MAGI2: variants seen among roughly 807,000 people sequenced by gnomAD.
The protein encoded by MAGI2 is membrane associated guanylate kinase, WW and PDZ domain containing 2.
A neutral mutation model predicts 133.3 loss-of-function variants in MAGI2; 35 were observed. The ratio of observed to expected loss-of-function variants is 0.26; its 90% CI spans 0.20 to 0.35. The LOEUF (loss-of-function observed/expected upper bound fraction) is 0.35. MAGI2 is among the 10% of genes least tolerant of loss of function. The pLI is 1.00. For synonymous variants in MAGI2, 729 were observed against 710.6 expected (o/e 1.03, Z -0.41); for missense variants, 1,636 against 1,863.4 (o/e 0.88, Z 2.25).
chr7:78,301,222 A>C (rs1053869322), intron 9 of MAGI2, among the ~76,000 whole-genome samples: 5 of 152,204 alleles, frequency 3.3e-5, no homozygotes, highest in Non-Finnish European at 5.9e-5. Flanking sequence ...CAGACATAAA[A>C]GCACTACATG....
chr7:78,144,656 G>A (rs996222922), intron 16 of MAGI2, among the ~76,000 whole-genome samples: 32 of 152,138 alleles, frequency 2.1e-4, no homozygotes, highest in Admixed American at 1.6e-3. Context: ...CCTCCCAGAC[G>A]TAGGTAGTTT....
intron 6 of MAGI2, among the ~76,000 whole-genome samples, chr7:78,458,996 AT>A (rs1398525408): frequency 6.6e-6 from 1 of 152,262 alleles, no homozygotes; most frequent in Non-Finnish European, 1.5e-5. Flanking sequence ...AACCAAAGTT[AT>A]GATTGTCTTT....
chr7:79,138,058 G>C (rs1455301951), intron 1 of MAGI2, among the ~76,000 whole-genome samples: 1 of 152,154 alleles, frequency 6.6e-6, no homozygotes, highest in Non-Finnish European at 1.5e-5. Flanking sequence ...CTGGAAGCTA[G>C]AAAAGGCAAG....
rs183214488 is a variant in MAGI2 at position 78,487,565 on chromosome 7, C to T, written c.1045+2196G>A. Among the ~76,000 whole-genome samples, 316 of 152,162 alleles carry T rather than the reference C, an allele frequency of 2.1e-3. 1 individual carries two copies. Among genetic ancestry groups the T allele is most frequent in the Non-Finnish European group, 3.2e-3 (220 of 67,972 alleles). On this transcript the variant is annotated intron_variant, in intron 6 of 21. Transcript: ENST00000354212. The stretch of plus-strand genomic sequence containing the variant: ...AAACGTTTTCTAAAATCTTTATCAC[C>T]TGGCCCTTTACAGAAAATGTTTGCC...
At chr7:79,337,181 C>A (rs575591218) in intron 1 of MAGI2, among the ~76,000 whole-genome samples, 1 of 152,224 alleles carries the variant, frequency 6.6e-6, no homozygotes, top group South Asian at 2.1e-4. Context: ...GTATTTAAGA[C>A]CCTTAGTAAA....
At chr7:78,557,111 A>G (rs1429002838) in intron 3 of MAGI2, among the ~76,000 whole-genome samples, 1 of 150,914 alleles carries the variant, frequency 6.6e-6, no homozygotes, top group African/African-American at 2.4e-5. Flanking sequence ...GAAAAAGAAA[A>G]AAAAAGAATT....
chr7:78,639,014 C>G (rs1007646393), intron 2 of MAGI2, among the ~76,000 whole-genome samples: 1 of 152,072 alleles, frequency 6.6e-6, no homozygotes, highest in Non-Finnish European at 1.5e-5. Context: ...TTAATCTGGG[C>G]CAGAACTAGA....
rs778530001 is a variant in MAGI2 at position 78,168,070 on chromosome 7, G to A, written c.2442C>T (p.Asp814=). The change falls in exon 15 of 22, where the codon GAC becomes GAT. Residue 814 remains aspartate, a synonymous_variant. Coordinates refer to ENST00000354212, the MANE Select transcript of MAGI2 (RefSeq NM_012301.4). ...CTCCTGGGTGAAGGCGGCCATCTCT[G>A]TCGGCTGAGCCCATGGCAATGACAG... ...IGAVIAMGSA[D]RDGRLHPGDE... is the part of the protein sequence containing the mutation. 3 of 1,613,914 alleles carry A rather than the reference G, an allele frequency of 1.9e-6. No individual in the cohort carries two copies. The highest frequency in any genetic ancestry group is 3.3e-5 in the Admixed American group (2 of 59,994).
chr7:79,417,971 A>G (rs983966374), intron 1 of MAGI2, among the ~76,000 whole-genome samples: 1 of 152,134 alleles, frequency 6.6e-6, no homozygotes, highest in African/African-American at 2.4e-5. Flanking sequence ...CAATCTGAGG[A>G]TATTCCAATC....
intron 6 of MAGI2, among the ~76,000 whole-genome samples, chr7:78,460,911 T>C (rs548109942): frequency 6.6e-6 from 1 of 151,718 alleles, no homozygotes; most frequent in Non-Finnish European, 1.5e-5. Flanking sequence ...CAGGGTGCCA[T>C]CACTATTGGA....
At chr7:79,229,809 T>C (rs1053482770) in intron 1 of MAGI2, among the ~76,000 whole-genome samples, 14 of 152,062 alleles carry the variant, frequency 9.2e-5, no homozygotes, top group African/African-American at 3.1e-4. Flanking sequence ...TTTTTATTAT[T>C]ATACTTTAGG....
chr7:78,046,926 T>A (rs1311575087), intron 21 of MAGI2, among the ~76,000 whole-genome samples: 1 of 152,210 alleles, frequency 6.6e-6, no homozygotes, highest in African/African-American at 2.4e-5. Flanking sequence ...AATTTAAAAG[T>A]CATATATTAC....
intron 2 of MAGI2, among the ~76,000 whole-genome samples, chr7:78,671,425 AAGCAGAGAT>A (rs1325442271): frequency 6.6e-6 from 1 of 152,158 alleles, no homozygotes; most frequent in African/African-American, 2.4e-5. Context: ...TGGTAGAGGA[AAGCAGAGAT>A]AGCATGTGTG....
chr7:78,742,394 G>A (rs1451025287), intron 2 of MAGI2, among the ~76,000 whole-genome samples: 1 of 152,090 alleles, frequency 6.6e-6, no homozygotes, highest in African/African-American at 2.4e-5. Context: ...AAGGGTCAAT[G>A]GCTAAGCATG....
chr7:78,485,162 A>G (rs540292311), intron 6 of MAGI2: 29 of 152,100 alleles, frequency 1.9e-4, no homozygotes, highest in South Asian at 4.1e-4. Context: ...GGCTTTATAC[A>G]CACTTTAACC....
chr7:78,256,391 T>G lies in MAGI2; in HGVS notation c.1599A>C (p.Pro533=). 6.2e-7 allele frequency: 1 copy of G among 1,613,838 alleles called. No individual in the cohort carries two copies. Among genetic ancestry groups the G allele is most frequent in the Non-Finnish European group, 8.5e-7 (1 of 1,179,922 alleles). The stretch of plus-strand genomic sequence containing the variant: ...GTCTTCCATTGACCATCACTGGAGG[T>G]GGCCTCTCCATTATTGCAAGGGGTG... ...MVPPLAIMER[P]PPVMVNGRHN... is the part of the protein sequence containing the mutation. Residue 533 remains proline (P), a synonymous_variant, in exon 10 of 22, where the codon CCA becomes CCC. Coordinates refer to ENST00000354212, the MANE Select transcript of MAGI2 (RefSeq NM_012301.4).
chr7:78,210,019 C>T (rs1316670070), intron 10 of MAGI2, among the ~76,000 whole-genome samples: 2 of 152,092 alleles, frequency 1.3e-5, no homozygotes, highest in African/African-American at 4.8e-5. Context: ...ATGTCTCTGA[C>T]CTTTCATTGT....
intron 2 of MAGI2, among the ~76,000 whole-genome samples, chr7:78,848,458 C>T (rs1272824974): frequency 6.6e-6 from 1 of 152,004 alleles, no homozygotes; most frequent in Non-Finnish European, 1.5e-5. Context: ...CCTTTCTCCA[C>T]ATAACAAACA....
At chr7:78,022,289 A>T (rs752574832) in intron 21 of MAGI2, among the ~76,000 whole-genome samples, 2 of 152,242 alleles carry the variant, frequency 1.3e-5, no homozygotes, top group Non-Finnish European at 2.9e-5. Flanking sequence ...AGCTTGTGCA[A>T]CAGTGATCTC....
Sources: allele counts gnomAD v4.1 joint callset (sites outside exome capture counted in the v4.1 genomes callset), GRCh38; gene constraint gnomAD v4.1.1; transcripts MANE v1.5; gene names NCBI Gene and HGNC (gene_info 2026-07-23, HGNC 2026-07-21).